Variants in PALS2 observed in about 807,000 individuals in gnomAD.
PALS2 encodes protein PALS2.
PALS2 carries 27 observed loss-of-function variants against 61.6 expected under a neutral mutation model. The ratio of observed to expected loss-of-function variants is 0.44; its 90% CI spans 0.32 to 0.60. The LOEUF (loss-of-function observed/expected upper bound fraction) is 0.60, where lower values mean the gene tolerates loss of function less well. Among genes scored for constraint, PALS2 ranks in the 20% least tolerant of loss-of-function variants. PALS2 has a pLI of 0.05. For synonymous variants in PALS2, 236 were observed against 218.6 expected, an observed-to-expected ratio of 1.08 and a Z score of -0.70; for missense variants, 554 against 639.4, an observed-to-expected ratio of 0.87 and a Z score of 1.44.
chr7:24,630,752 C>T (rs1784964181), intron 2 of PALS2, among the ~76,000 whole-genome samples: 1 of 152,184 alleles, frequency 6.6e-6, no homozygotes, highest in Admixed American at 6.5e-5. Context: ...TCCTAGAGCC[C>T]TTAAGAATTA....
intron 1 of PALS2, among the ~76,000 whole-genome samples, chr7:24,599,825 AT>A (rs987140446): frequency 6.6e-6 from 1 of 151,604 alleles, no homozygotes; most frequent in African/African-American, 2.4e-5. Flanking sequence ...TTTTCTATTA[AT>A]TTTTTTTAAC....
At chr7:24,577,532 T>G (rs1290130351) in intron 1 of PALS2, among the ~76,000 whole-genome samples, 1 of 152,180 alleles carries the variant, frequency 6.6e-6, no homozygotes. Flanking sequence ...TTCACCAATT[T>G]ACATCTTTTC....
intron 3 of PALS2, among the ~76,000 whole-genome samples, chr7:24,644,095 C>CTTTTTTTTTTTTT (rs59645237): frequency 1.5e-5 from 2 of 134,262 alleles, no homozygotes; most frequent in African/African-American, 5.5e-5. Flanking sequence ...TTTCTTTTTT[C>CTTTTTTTTTTTTT]TTTTTTTTTT....
chr7:24,621,313 A>G (rs1370755397), intron 1 of PALS2, among the ~76,000 whole-genome samples: 1 of 152,098 alleles, frequency 6.6e-6, no homozygotes, highest in Non-Finnish European at 1.5e-5. Flanking sequence ...ATGCTTTGTG[A>G]GGGAGATCAG....
rs182858285 is a variant in PALS2 at position 24,604,776 on chromosome 7, C to T, written c.-2-18890C>T. On this transcript the variant is annotated intron_variant, in intron 1 of 11. Transcript: ENST00000222644. Reference sequence around the variant, plus strand: ...CATGACCTAGTCTAACCCTAATCACCTCCCCAAAGACTCCACCTCCAAATA... The same window carrying T: ...CATGACCTAGTCTAACCCTAATCACTTCCCCAAAGACTCCACCTCCAAATA... 1.3e-4 allele frequency among the ~76,000 whole-genome samples: 20 copies of T among 152,336 alleles called. No homozygotes were observed. In the East Asian group the frequency reaches 3.9e-3, roughly 29 times the overall value.
intron 10 of PALS2, 69 bp downstream of exon 10, chr7:24,679,402 G>T: frequency 2.0e-6 from 3 of 1,517,600 alleles, no homozygotes; most frequent in South Asian, 1.2e-5. Context: ...TGTGTGTCGG[G>T]GTTGTTGGGT....
chr7:24,686,063 T>G (rs1049220215), intron 11 of PALS2, among the ~76,000 whole-genome samples: 6 of 152,154 alleles, frequency 3.9e-5, no homozygotes, highest in African/African-American at 1.4e-4. Flanking sequence ...AATTATGCTC[T>G]CCCTACCCCT....
At chr7:24,668,856 G>A (rs1787164315) in intron 9 of PALS2, among the ~76,000 whole-genome samples, 196 bp downstream of exon 9, 1 of 152,194 alleles carries the variant, frequency 6.6e-6, no homozygotes, top group Admixed American at 6.5e-5. Flanking sequence ...CAGTGCTGTT[G>A]GCTTGCTGTC....
intron 9 of PALS2, among the ~76,000 whole-genome samples, chr7:24,673,124 T>A (rs955009312): frequency 6.6e-6 from 1 of 152,232 alleles, no homozygotes; most frequent in Non-Finnish European, 1.5e-5. Flanking sequence ...GTACTAGATC[T>A]TGCCAAATGC....
At position 24,693,783 on chromosome 7, in the gene PALS2, T is replaced by C. The variant is rs985747847; in HGVS notation, c.*6169T>C. The C allele has an allele frequency of 6.6e-6, 1 of 152,206 alleles. No individual in the cohort carries two copies. The highest frequency in any genetic ancestry group is 2.4e-5 in the African/African-American group (1 of 41,460). The allele number at this position is 152,206 out of a possible 1,614,324, so 9.4% of individuals were successfully genotyped here. A position where few individuals can be genotyped will look rare whatever the true frequency, so the allele number is the denominator to read the frequency against. The stretch of plus-strand genomic sequence containing the variant: ...TATGTTGGACTCTGTTGTAGAAGAA[T>C]GAGCACTAGTATTCAGCAACAAGTG... On this transcript the variant is annotated 3_prime_UTR_variant, in exon 12 of 12. Transcript: ENST00000222644.
chr7:24,629,192 C>T (rs926548531), intron 2 of PALS2, among the ~76,000 whole-genome samples: 10 of 152,124 alleles, frequency 6.6e-5, no homozygotes, highest in Admixed American at 5.9e-4. Context: ...CATGACACAT[C>T]TACAACCATC....
chr7:24,668,854 T>C (rs1449883524), intron 9 of PALS2, among the ~76,000 whole-genome samples, 194 bp downstream of exon 9: 2 of 152,240 alleles, frequency 1.3e-5, no homozygotes, highest in Non-Finnish European at 2.9e-5. Flanking sequence ...TGCAGTGCTG[T>C]TGGCTTGCTG....
intron 2 of PALS2, among the ~76,000 whole-genome samples, chr7:24,632,543 G>A (rs1318342270): frequency 6.6e-6 from 1 of 152,022 alleles, no homozygotes; most frequent in East Asian, 1.9e-4. Context: ...GGGATTACAG[G>A]CACGCCCAGC....
chr7:24,636,703 A>G (rs1230503854), intron 2 of PALS2, among the ~76,000 whole-genome samples: 1 of 152,156 alleles, frequency 6.6e-6, no homozygotes, highest in African/African-American at 2.4e-5. Flanking sequence ...ATAGGTTCCT[A>G]AATTTTTCTT....
chr7:24,595,502 T>TATATA (rs1783473768), intron 1 of PALS2, among the ~76,000 whole-genome samples: 2 of 110,492 alleles, frequency 1.8e-5, no homozygotes, highest in South Asian at 5.7e-4. Flanking sequence ...ATATTTTTAA[T>TATATA]ATATATAATA....
chr7:24,594,162 T>C (rs1225658248), intron 1 of PALS2, among the ~76,000 whole-genome samples: 1 of 152,130 alleles, frequency 6.6e-6, no homozygotes, highest in Non-Finnish European at 1.5e-5. Flanking sequence ...ATGAACAACC[T>C]GTGCAAGTTT....
chr7:24,598,065 G>T (rs1398582880), intron 1 of PALS2, among the ~76,000 whole-genome samples: 1 of 152,144 alleles, frequency 6.6e-6, no homozygotes, highest in Non-Finnish European at 1.5e-5. Flanking sequence ...GATTTGCCTA[G>T]GGCTGCCTAT....
At chr7:24,589,692 G>A (rs1783209206) in intron 1 of PALS2, among the ~76,000 whole-genome samples, 1 of 152,054 alleles carries the variant, frequency 6.6e-6, no homozygotes, top group Non-Finnish European at 1.5e-5. Flanking sequence ...ACTTATTTAT[G>A]ATCAATTTAT....
intron 2 of PALS2, among the ~76,000 whole-genome samples, chr7:24,626,572 C>T (rs1384064374): frequency 6.6e-6 from 1 of 152,098 alleles, no homozygotes; most frequent in African/African-American, 2.4e-5. Flanking sequence ...AATTAAAAGA[C>T]ATAGACCAGC....
Sources: gnomAD v4.1 joint callset for allele counts (sites outside exome capture counted in the v4.1 genomes callset) on GRCh38, gnomAD v4.1.1 for gene constraint, MANE v1.5 for transcripts, NCBI Gene and HGNC (gene_info 2026-07-23, HGNC 2026-07-21) for gene names.